Variants in SLC25A26 observed in about 807,000 individuals in gnomAD.
SLC25A26 encodes the protein mitochondrial S-adenosylmethionine carrier protein.
SLC25A26 carries 36 observed loss-of-function variants against 37.8 expected under a neutral mutation model. That is an observed-to-expected ratio of 0.95 (90% CI 0.73 to 1.26). The LOEUF (loss-of-function observed/expected upper bound fraction) is 1.26, where lower values mean the gene tolerates loss of function less well. Among genes scored for constraint, SLC25A26 ranks in the 50% most tolerant of loss-of-function variants. The pLI is 0.00. For synonymous variants in SLC25A26, 129 were observed against 122.5 expected, an observed-to-expected ratio of 1.05 and a Z score of -0.35; for missense variants, 390 against 331.1, an observed-to-expected ratio of 1.18 and a Z score of -1.38.
intron 6 of SLC25A26, among the ~76,000 whole-genome samples, chr3:66,359,990 ATGT>A (rs1210455521): frequency 6.6e-6 from 1 of 152,236 alleles, no homozygotes; most frequent in Non-Finnish European, 1.5e-5. Context: ...ATAGAGGGAA[ATGT>A]TGGTCCTCAA....
At chr3:66,286,520 G>T (rs1370569156) in intron 5 of SLC25A26, among the ~76,000 whole-genome samples, 1 of 152,060 alleles carries the variant, frequency 6.6e-6, no homozygotes, top group African/African-American at 2.4e-5. Flanking sequence ...GTATGGGTCT[G>T]TAGCTGGAAG....
chr3:66,264,287 A>G (rs1370602422), intron 5 of SLC25A26, among the ~76,000 whole-genome samples: 1 of 152,106 alleles, frequency 6.6e-6, no homozygotes, highest in African/African-American at 2.4e-5. Flanking sequence ...TCCAAAAAAA[A>G]AGAAATAACT....
rs149279755 is a variant in SLC25A26 at position 66,299,493 on chromosome 3, A to C, written c.453+36114A>C. On this transcript the variant is annotated intron_variant, in intron 5 of 9. Transcript: ENST00000354883. ...GTGTGAGCCGATGTGCTTGGCAAAC[A>C]AACTTTTGTATATATAATCCTTTCA... 6.0e-4 allele frequency among the ~76,000 whole-genome samples: 91 copies of C among 152,294 alleles called. 1 individual carries two copies. In the East Asian group the frequency reaches 0.015, roughly 26 times the overall value.
At chr3:66,175,347 C>T (rs550188561) in intron 1 of SLC25A26, among the ~76,000 whole-genome samples, 13 of 152,026 alleles carry the variant, frequency 8.6e-5, no homozygotes, top group African/African-American at 3.1e-4. Context: ...GCCTCAGCCT[C>T]CTGAGTAGCT....
At chr3:66,222,909 A>G (rs567138486) in intron 1 of SLC25A26, among the ~76,000 whole-genome samples, 11 of 152,218 alleles carry the variant, frequency 7.2e-5, no homozygotes, top group Admixed American at 6.5e-4. Context: ...TTTTTTCCCA[A>G]TGTATTTATA....
intron 1 of SLC25A26, among the ~76,000 whole-genome samples, chr3:66,140,965 G>A (rs1172136148): frequency 2.6e-5 from 4 of 151,776 alleles, no homozygotes; most frequent in African/African-American, 9.7e-5. Context: ...TACTGTGGTG[G>A]TGCCACCAGC....
At chr3:66,173,459 C>A (rs1304099505) in intron 1 of SLC25A26, among the ~76,000 whole-genome samples, 1 of 152,192 alleles carries the variant, frequency 6.6e-6, no homozygotes, top group Non-Finnish European at 1.5e-5. Context: ...TAGCTTGGTG[C>A]CATCCAGGTT....
chr3:66,216,698 T>C (rs2071366880), upstream of SLC25A26, among the ~76,000 whole-genome samples: 1 of 152,128 alleles, frequency 6.6e-6, no homozygotes, highest in East Asian at 1.9e-4. Context: ...TAAATACTAT[T>C]AAGATTTTAG....
intron 1 of SLC25A26, among the ~76,000 whole-genome samples, chr3:66,230,422 G>C (rs2071957567): frequency 6.6e-6 from 1 of 152,048 alleles, no homozygotes; most frequent in African/African-American, 2.4e-5. Flanking sequence ...AGAGGATTTT[G>C]TCAGGGGTGT....
In SLC25A26 at chr3:66,363,373, A is replaced by T. The variant is rs188522063; in HGVS notation, c.568+444A>T. Among the ~76,000 whole-genome samples the T allele has an allele frequency of 2.0e-3, 305 of 152,292 alleles. 4 individuals carry two copies. Among genetic ancestry groups the T allele is most frequent in the Non-Finnish European group, 1.2e-3 (80 of 68,016 alleles). On this transcript the variant is annotated intron_variant, in intron 7 of 9. Transcript: ENST00000354883. ...ACAGCACTGTAGATTAACTAGTGTC[A>T]GGAGAGCAGAGGCTCCTCCATAACT... is the stretch of plus-strand genomic sequence containing the variant.
intron 1 of SLC25A26, among the ~76,000 whole-genome samples, chr3:66,184,619 C>CACCTTGAGTTTACTATGTATTACATGCTG (rs2070787860): frequency 6.6e-6 from 1 of 152,222 alleles, no homozygotes; most frequent in Non-Finnish European, 1.5e-5. Flanking sequence ...ATTACATGCT[C>CACCTTGAGTTTACTATGTATTACATGCTG]AACCAAATCC....
At chr3:66,316,771 G>A (rs539604666) in intron 5 of SLC25A26, among the ~76,000 whole-genome samples, 1 of 151,968 alleles carries the variant, frequency 6.6e-6, no homozygotes, top group Non-Finnish European at 1.5e-5. Context: ...TGTAGGTTTG[G>A]TTTTTTAACA....
chr3:66,344,595 T>C (rs1037947269), intron 5 of SLC25A26, among the ~76,000 whole-genome samples: 7 of 152,244 alleles, frequency 4.6e-5, no homozygotes, highest in Admixed American at 2.6e-4. Context: ...CATTTACTTT[T>C]CCCTTGCAGC....
At chr3:66,138,649 G>T (rs945589794) in intron 1 of SLC25A26, among the ~76,000 whole-genome samples, 1 of 151,834 alleles carries the variant, frequency 6.6e-6, no homozygotes, top group East Asian at 1.9e-4. Flanking sequence ...GCAGGGGGAG[G>T]GGGGGTAGGG....
chr3:66,199,956 C>G (rs1381266318), intron 1 of SLC25A26, among the ~76,000 whole-genome samples: 3 of 152,196 alleles, frequency 2.0e-5, no homozygotes, highest in Non-Finnish European at 4.4e-5. Context: ...TCTATGCACA[C>G]ACATTCTAGT....
In SLC25A26 at chr3:66,166,017, A is replaced by C. The variant is rs2070421193; in HGVS notation, c.-354+32033A>C. Among the ~76,000 whole-genome samples, 3 of 152,002 alleles carry C rather than the reference A, an allele frequency of 2.0e-5. No homozygotes were observed. In the South Asian group the frequency reaches 6.2e-4, roughly 32 times the overall value. ...CCAGAAATATATTCTCTGATATATA[A>C]AATTAGAACAGTTGAATTTTATTGT... On this transcript the variant is annotated intron_variant, in intron 1 of 10. Transcript: ENST00000676754.
chr3:66,330,232 C>A (rs1215731637), intron 5 of SLC25A26, among the ~76,000 whole-genome samples: 1 of 152,068 alleles, frequency 6.6e-6, no homozygotes, highest in Non-Finnish European at 1.5e-5. Flanking sequence ...GATGGAGAAA[C>A]TGTAGGTAGA....
intron 5 of SLC25A26, among the ~76,000 whole-genome samples, chr3:66,282,481 C>A (rs1455204144): frequency 6.6e-6 from 1 of 152,130 alleles, no homozygotes; most frequent in Non-Finnish European, 1.5e-5. Context: ...GCTGGTGTAG[C>A]AAGGTATCTT....
intron 2 of SLC25A26, among the ~76,000 whole-genome samples, chr3:66,237,605 T>A (rs2072356649): frequency 6.6e-6 from 1 of 152,282 alleles, no homozygotes; most frequent in African/African-American, 2.4e-5. Context: ...GTTTTGGTTC[T>A]GAAGTCATGT....
Sources: gnomAD v4.1 joint callset for allele counts (sites outside exome capture counted in the v4.1 genomes callset) on GRCh38, gnomAD v4.1.1 for gene constraint, MANE v1.5 for transcripts, NCBI Gene and HGNC (gene_info 2026-07-23, HGNC 2026-07-21) for gene names.